The following MARCHF6 variants were observed in gnomAD, a reference collection of about 807,000 sequenced individuals.
MARCHF6 encodes the protein membrane associated ring-CH-type finger 6.
MARCHF6 carries 31 observed loss-of-function variants against 133.7 expected under a neutral mutation model. The observed-to-expected ratio is 0.23, with a 90% confidence interval of 0.17 to 0.31. The LOEUF is 0.31. MARCHF6 is among the 10% of genes least tolerant of loss of function. The pLI, the probability that MARCHF6 is intolerant of heterozygous loss-of-function variation, is 1.00. For missense variants in MARCHF6, 723 were observed against 1,121.6 expected, an observed-to-expected ratio of 0.64 and a Z score of 5.08; for synonymous variants, 395 against 402.5, an observed-to-expected ratio of 0.98 and a Z score of 0.22.
chr5:10,431,615 A>G (rs1379870190), intron 25 of MARCHF6, among the ~76,000 whole-genome samples: 1 of 141,542 alleles, frequency 7.1e-6, no homozygotes, highest in Non-Finnish European at 1.5e-5. Flanking sequence ...GGGAGGTGCT[A>G]AGAGTGAGTG....
chr5:10,415,318 T>G (rs1040620528), intron 20 of MARCHF6, among the ~76,000 whole-genome samples, 170 bp from the exon 21 acceptor site: 3 of 152,230 alleles, frequency 2.0e-5, no homozygotes, highest in African/African-American at 4.8e-5. Context: ...TTCATCAAAT[T>G]GTGTACTCTT....
In MARCHF6 at chr5:10,423,200, A is replaced by G. The variant is rs1037951775; in HGVS notation, c.2284-535A>G. 2.2e-5 allele frequency among the ~76,000 whole-genome samples: 3 copies of G among 138,434 alleles called. No homozygotes were observed. In the Admixed American group the frequency reaches 2.3e-4, roughly 11 times the overall value. The allele number at this position is 138,434 out of a possible 152,430, so 90.8% of individuals were successfully genotyped here. A position where few individuals can be genotyped will look rare whatever the true frequency, so the allele number is the denominator to read the frequency against. On this transcript the variant is annotated intron_variant, in intron 22 of 25. Transcript: ENST00000274140. ...GGCTGTGGGGAGGGAGGAAGTAGTC[A>G]TCACTCTGTCTGGTGGAGAGCTGGA...
chr5:10,360,931 T>C (rs1735782545), intron 1 of MARCHF6, among the ~76,000 whole-genome samples: 1 of 152,248 alleles, frequency 6.6e-6, no homozygotes. Context: ...CAGGCCAGGC[T>C]TACTTTAGTG....
chr5:10,396,730 C>T (rs1561126654), intron 9 of MARCHF6, among the ~76,000 whole-genome samples: 1 of 152,064 alleles, frequency 6.6e-6, no homozygotes. Flanking sequence ...CAGTATGTAA[C>T]TGTGGGAGGT....
At chr5:10,408,988 T>G (rs938708302) in intron 17 of MARCHF6, among the ~76,000 whole-genome samples, 3 of 152,166 alleles carry the variant, frequency 2.0e-5, no homozygotes, top group African/African-American at 7.2e-5. Context: ...TTTTTTAATT[T>G]AAAAAAATAT....
chr5:10,375,354 G>A (rs1266994157), intron 1 of MARCHF6, among the ~76,000 whole-genome samples: 5 of 152,260 alleles, frequency 3.3e-5, no homozygotes, highest in Admixed American at 6.5e-5. Context: ...GCCCACCGGC[G>A]CTGTGCTCGA....
intron 11 of MARCHF6, chr5:10,401,174 T>C (rs1351784724): frequency 4.5e-6 from 1 of 222,774 alleles, no homozygotes; most frequent in Non-Finnish European, 8.9e-6. Flanking sequence ...CCCTGCTGAA[T>C]TTAGAAAAGT....
Position 10,417,215 on chromosome 5 carries a change from A to T in MARCHF6, c.2149-55A>T, listed in dbSNP as rs543509241. On this transcript the variant is annotated intron_variant, in intron 21 of 25. Coordinates refer to ENST00000274140, the MANE Select transcript of MARCHF6 (RefSeq NM_005885.4). ...CAGTCTCAAACCTCAAAATGGAAAT[A>T]GAGTTTGGCTCAGAAAGATCCTCTT... 7 of 1,577,534 alleles carry T rather than the reference A, an allele frequency of 4.4e-6. No individual in the cohort carries two copies. In the East Asian group the frequency reaches 1.6e-4, roughly 35 times the overall value.
At chr5:10,425,226 T>C (rs551760921) in intron 23 of MARCHF6, among the ~76,000 whole-genome samples, 2 of 152,256 alleles carry the variant, frequency 1.3e-5, no homozygotes, top group Non-Finnish European at 2.9e-5. Context: ...GCAGTGTGTT[T>C]GTGTGTGTCT....
intron 1 of MARCHF6, among the ~76,000 whole-genome samples, chr5:10,374,878 A>T (rs535228516): frequency 5.3e-5 from 8 of 152,368 alleles, no homozygotes; most frequent in Admixed American, 2.0e-4. Context: ...TTGACTGAAC[A>T]TGAGCAACCT....
In MARCHF6 at chr5:10,381,824, G is replaced by A. The variant is rs961733167; in HGVS notation, c.215G>A (p.Arg72Gln). The change falls in exon 4 of 26, where the codon CGG becomes CAG. Residue 72 changes from arginine (R) to glutamine (Q), a missense_variant. Physicochemically the swap from Arg to Gln is conservative, Grantham distance 43 (BLOSUM62 1). Coordinates refer to ENST00000274140, the MANE Select transcript of MARCHF6 (RefSeq NM_005885.4). Reference sequence around the variant, plus strand: ...GTTTATTCTCCAGATATGCCTTCACGGCTTCCAATTCAAGACATATTTGCT... The same window carrying A: ...GTTTATTCTCCAGATATGCCTTCACAGCTTCCAATTCAAGACATATTTGCT... ...TPIYSPDMPSRLPIQDIFAGL... is the reference protein window; with the variant it reads ...TPIYSPDMPSQLPIQDIFAGL... The A allele has an allele frequency of 3.1e-6, 5 of 1,606,924 alleles. No individual in the cohort carries two copies. The highest frequency in any genetic ancestry group is 1.7e-5 in the Admixed American group (1 of 58,362).
chr5:10,403,024 TTTGA>T (rs1173322858), intron 14 of MARCHF6, among the ~76,000 whole-genome samples: 1 of 152,232 alleles, frequency 6.6e-6, no homozygotes, highest in Non-Finnish European at 1.5e-5. Context: ...ATAATCAGTT[TTTGA>T]TTGTTTCAAA....
intron 2 of MARCHF6, 25 bp from the exon 3 acceptor site, chr5:10,378,734 C>T: frequency 7.2e-7 from 1 of 1,393,350 alleles, no homozygotes; most frequent in Non-Finnish European, 1.0e-6. Context: ...AAACACTGTA[C>T]TTATGAATCT....
At chr5:10,412,757 G>A (rs1246498861) in intron 19 of MARCHF6, among the ~76,000 whole-genome samples, 1 of 152,094 alleles carries the variant, frequency 6.6e-6, no homozygotes, top group Non-Finnish European at 1.5e-5. Context: ...TATATTTTTT[G>A]TTGAAATGGA....
intron 1 of MARCHF6, among the ~76,000 whole-genome samples, chr5:10,369,549 A>G (rs183619839): frequency 5.3e-5 from 8 of 152,006 alleles, no homozygotes; most frequent in Middle Eastern, 3.4e-3. Context: ...ATCTATTTTG[A>G]CAAATACATG....
intron 17 of MARCHF6, 76 bp from the exon 18 acceptor site, chr5:10,410,063 G>A: frequency 7.0e-7 from 1 of 1,422,054 alleles, no homozygotes; most frequent in Non-Finnish European, 9.7e-7. Context: ...AGATTCTTAA[G>A]AAGTTGCGTT....
intron 1 of MARCHF6, among the ~76,000 whole-genome samples, chr5:10,365,043 T>C (rs1317927180): frequency 2.6e-5 from 4 of 152,126 alleles, no homozygotes; most frequent in Non-Finnish European, 5.9e-5. Flanking sequence ...CCTCAGTTGA[T>C]CTACCCACCT....
rs115008639 is a variant in MARCHF6, at chr5:10,379,845, A to G, written c.190+1013A>G. ...GTTCTTGAACTCCTGGCCTCAAGCAATTCTCCTGTCACAGCTTCCCAAAGT... is the reference window on the plus strand; with the variant it reads ...GTTCTTGAACTCCTGGCCTCAAGCAGTTCTCCTGTCACAGCTTCCCAAAGT... On this transcript the variant is annotated intron_variant, in intron 3 of 25. Transcript: ENST00000274140. Among the ~76,000 whole-genome samples, 1,326 of 152,184 alleles carry G rather than the reference A, an allele frequency of 8.7e-3. 13 individuals are homozygous for G. The highest frequency in any genetic ancestry group is 0.014 in the Non-Finnish European group (957 of 68,000).
intron 1 of MARCHF6, 175 bp downstream of exon 1, chr5:10,354,092 C>T (rs1271589107): frequency 1.6e-5 from 8 of 502,778 alleles, no homozygotes; most frequent in African/African-American, 8.1e-5. Flanking sequence ...TCTGCGCGCC[C>T]CCCGCCGTTT....
Sources: gnomAD v4.1 joint callset for allele counts (sites outside exome capture counted in the v4.1 genomes callset) on GRCh38, gnomAD v4.1.1 for gene constraint, MANE v1.5 for transcripts, NCBI Gene and HGNC (gene_info 2026-07-23, HGNC 2026-07-21) for gene names.